Variants in ARHGAP25 observed in about 807,000 individuals in gnomAD.
ARHGAP25 encodes the protein rho GTPase-activating protein 25.
Under a neutral mutation model 71.0 loss-of-function variants are expected in ARHGAP25, and 34 were observed. The observed-to-expected ratio is 0.48, with a 90% CI of 0.36 to 0.64. ARHGAP25 has a LOEUF of 0.64. Ranked by LOEUF, ARHGAP25 falls within the 30% of genes least tolerant of loss-of-function variation. The pLI is 0.00. For synonymous variants in ARHGAP25, 282 were observed against 296.5 expected (o/e 0.95, Z 0.50); for missense variants, 706 against 805.1 (o/e 0.88, Z 1.49).
At chr2:68,746,034 A>C (rs1262900238) in intron 1 of ARHGAP25, among the ~76,000 whole-genome samples, 1 of 152,224 alleles carries the variant, frequency 6.6e-6, no homozygotes, top group East Asian at 1.9e-4. Context: ...CCCAAGGGCC[A>C]TACCTCTTAA....
intron 4 of ARHGAP25, among the ~76,000 whole-genome samples, chr2:68,792,067 G>A (rs901753308): frequency 7.9e-5 from 12 of 152,000 alleles, no homozygotes; most frequent in African/African-American, 1.9e-4. Flanking sequence ...TCCCTGTCCC[G>A]TCTCCAGGGA....
At chr2:68,787,740 T>C (rs1472165824) in intron 3 of ARHGAP25, 100 bp from the exon 4 acceptor site, 3 of 930,652 alleles carry the variant, frequency 3.2e-6, no homozygotes, top group East Asian at 2.4e-5. Context: ...TAGTGCTTCA[T>C]TGAACCAAGA....
chr2:68,749,662 A>T (rs1230423762), intron 1 of ARHGAP25, among the ~76,000 whole-genome samples: 1 of 152,208 alleles, frequency 6.6e-6, no homozygotes, highest in Non-Finnish European at 1.5e-5. Flanking sequence ...TCCTGCACTA[A>T]GTTAGTGGTT....
chr2:68,804,732 A>AT (rs1223376929), intron 4 of ARHGAP25, among the ~76,000 whole-genome samples: 2 of 152,236 alleles, frequency 1.3e-5, no homozygotes, highest in Non-Finnish European at 2.9e-5. Context: ...CTGAATTCAT[A>AT]TATCAAGGAG....
chr2:68,726,751 G>T (rs72828870), intron 2 of ARHGAP25, among the ~76,000 whole-genome samples: 2,477 of 152,292 alleles, frequency 0.016, 33 homozygotes, highest in Middle Eastern at 0.044. Context: ...CCAACTGACT[G>T]CTCAGGGCTG....
At chr2:68,766,937 T>C (rs1677161111) in intron 1 of ARHGAP25, among the ~76,000 whole-genome samples, 1 of 152,254 alleles carries the variant, frequency 6.6e-6, no homozygotes, top group Non-Finnish European at 1.5e-5. Context: ...CAGATTCTTT[T>C]CCTTTAGGTT....
At chr2:68,719,145 A>G (rs1164746051) in intron 2 of ARHGAP25, among the ~76,000 whole-genome samples, 1 of 152,150 alleles carries the variant, frequency 6.6e-6, no homozygotes, top group Non-Finnish European at 1.5e-5. Context: ...GTCCTTTATT[A>G]TAAAAGAAAA....
At position 68,775,246 on chromosome 2, in the gene ARHGAP25, C is replaced by T. The variant is rs140871517; in HGVS notation, c.87C>T (p.Gly29=). ...CTCGGTCAAGGAGTGTGATGACTGGCGAGCAGATGGCTGCCTTCCATCCAT... is the reference window on the plus strand; with the variant it reads ...CTCGGTCAAGGAGTGTGATGACTGGTGAGCAGATGGCTGCCTTCCATCCAT... ...KIARSRSVMT[G]EQMAAFHPSS... The change falls in exon 2 of 11, where the codon GGC becomes GGT. Residue 29 remains glycine, a synonymous_variant. Coordinates refer to ENST00000409202, the MANE Select transcript of ARHGAP25 (RefSeq NM_001007231.3). The T allele has an allele frequency of 8.4e-5, 135 of 1,614,242 alleles. No homozygotes were observed. In the African/African-American group the frequency reaches 1.7e-3, roughly 20 times the overall value.
intron 4 of ARHGAP25, among the ~76,000 whole-genome samples, chr2:68,792,182 G>A (rs562634781): frequency 6.9e-4 from 105 of 152,308 alleles, no homozygotes; most frequent in Non-Finnish European, 9.6e-4. Context: ...ATTGCTGAGT[G>A]AGGAAACAAT....
intron 2 of ARHGAP25, among the ~76,000 whole-genome samples, chr2:68,729,618 A>G (rs1340829795): frequency 6.6e-6 from 1 of 152,246 alleles, no homozygotes; most frequent in Non-Finnish European, 1.5e-5. Context: ...ATGATTTATA[A>G]TAAAAGCAAT....
intron 2 of ARHGAP25, among the ~76,000 whole-genome samples, chr2:68,728,270 G>A (rs1268505273): frequency 6.6e-6 from 1 of 152,064 alleles, no homozygotes; most frequent in African/African-American, 2.4e-5. Flanking sequence ...ACCCCAATGA[G>A]ATAATAACAT....
chr2:68,806,793 G>A (rs187353363), intron 4 of ARHGAP25, among the ~76,000 whole-genome samples: 8 of 152,302 alleles, frequency 5.3e-5, no homozygotes, highest in African/African-American at 1.2e-4. Context: ...ACTCTGTGAC[G>A]CCAGTGGAAC....
intron 2 of ARHGAP25, among the ~76,000 whole-genome samples, chr2:68,716,168 A>C (rs971675603): frequency 5.9e-5 from 9 of 152,146 alleles, no homozygotes; most frequent in Non-Finnish European, 1.3e-4. Flanking sequence ...CATTCTTCCT[A>C]TCTTCCTTAC....
rs557510370 is a variant in ARHGAP25 at position 68,816,668 on chromosome 2, T to G, written c.881+306T>G. ...CTAGAATGATCTCCCATCTTTGTGA[T>G]TCTGAGCCGTAGCTTAGCTCCAGGG... On this transcript the variant is annotated intron_variant, in intron 7 of 10. Coordinates refer to ENST00000409202, the MANE Select transcript of ARHGAP25 (RefSeq NM_001007231.3). 27 of 261,132 alleles carry G rather than the reference T, an allele frequency of 1.0e-4. No homozygotes were observed. In the Admixed American group the frequency reaches 1.0e-3, roughly 10 times the overall value. The allele number at this position is 261,132 out of a possible 1,614,324, so 16.2% of individuals were successfully genotyped here.
chr2:68,731,601 G>A (rs1293793995), upstream of ARHGAP25, among the ~76,000 whole-genome samples: 2 of 151,944 alleles, frequency 1.3e-5, no homozygotes, highest in East Asian at 1.9e-4. Context: ...CTCCAGCTTC[G>A]TTTCTCCTCA....
chr2:68,807,144 T>C (rs1227499501), intron 4 of ARHGAP25, 129 bp from the exon 5 acceptor site: 1 of 816,458 alleles, frequency 1.2e-6, no homozygotes, highest in African/African-American at 1.7e-5. Flanking sequence ...CTGAGTGATT[T>C]ATCTCCCATA....
At chr2:68,811,073 TG>T (rs1162192058) in intron 5 of ARHGAP25, among the ~76,000 whole-genome samples, 1 of 152,216 alleles carries the variant, frequency 6.6e-6, no homozygotes, top group Non-Finnish European at 1.5e-5. Flanking sequence ...TCCTTTACAC[TG>T]TTTCTTCCCT....
chr2:68,757,030 A>G (rs1396895154), intron 1 of ARHGAP25, among the ~76,000 whole-genome samples: 1 of 152,186 alleles, frequency 6.6e-6, no homozygotes, highest in Non-Finnish European at 1.5e-5. Flanking sequence ...TGAAATGAAA[A>G]TTTTAAAAGA....
chr2:68,768,271 A>G (rs991288837), intron 1 of ARHGAP25, among the ~76,000 whole-genome samples: 2 of 152,220 alleles, frequency 1.3e-5, no homozygotes, highest in African/African-American at 4.8e-5. Flanking sequence ...ATACATAAGT[A>G]ACTTGATATT....
Sources: gnomAD v4.1 joint callset for allele counts (sites outside exome capture counted in the v4.1 genomes callset) on GRCh38, gnomAD v4.1.1 for gene constraint, MANE v1.5 for transcripts, NCBI Gene and HGNC (gene_info 2026-07-23, HGNC 2026-07-21) for gene names.